Variants in ETV6 observed in about 807,000 individuals in gnomAD.
The protein encoded by ETV6 is transcription factor ETV6.
A neutral mutation model predicts 51.1 loss-of-function variants in ETV6; 16 were observed. The observed-to-expected ratio is 0.31, with a 90% CI of 0.21 to 0.48. The LOEUF (loss-of-function observed/expected upper bound fraction) is 0.48, where lower values mean the gene tolerates loss of function less well. ETV6 is among the 20% of genes least tolerant of loss of function. The probability of loss-of-function intolerance (pLI) is 0.99; values close to 1 mark genes in which losing one functional copy is unlikely to be tolerated. For missense variants in ETV6, 458 were observed against 594.8 expected (o/e 0.77, Z 2.39); for synonymous variants, 240 against 224.1 (o/e 1.07, Z -0.64).
At chr12:11,862,488 C>T (rs752955952) in intron 4 of ETV6, among the ~76,000 whole-genome samples, 2 of 152,182 alleles carry the variant, frequency 1.3e-5, no homozygotes, top group African/African-American at 4.8e-5. Context: ...CCAAGGTCAA[C>T]GTGTGCCAGA....
At chr12:11,718,710 C>G (rs1248515387) in intron 1 of ETV6, among the ~76,000 whole-genome samples, 1 of 152,016 alleles carries the variant, frequency 6.6e-6, no homozygotes, top group South Asian at 2.1e-4. Flanking sequence ...TGGGAGGCAG[C>G]CTGGGCAACA....
intron 2 of ETV6, among the ~76,000 whole-genome samples, chr12:11,804,369 G>C (rs1042025150): frequency 6.6e-6 from 1 of 152,186 alleles, no homozygotes; most frequent in African/African-American, 2.4e-5. Flanking sequence ...AGTATGAACT[G>C]CCAGGCCCTG....
intron 2 of ETV6, among the ~76,000 whole-genome samples, chr12:11,758,941 C>T (rs542085036): frequency 3.5e-4 from 53 of 152,266 alleles, no homozygotes; most frequent in African/African-American, 9.4e-4. Context: ...TTCTACTTTC[C>T]CCGCGGCACA....
At chr12:11,864,268 CCTTGAAGCCCAGGA>C (rs749645270) in intron 4 of ETV6, among the ~76,000 whole-genome samples, 46 of 152,186 alleles carry the variant, frequency 3.0e-4, no homozygotes, top group Non-Finnish European at 6.0e-4. Context: ...ACACACTAAG[CCTTGAAGCCCAGGA>C]CATCAAAGAA....
chr12:11,870,927 G>A (rs1946872089), intron 5 of ETV6, among the ~76,000 whole-genome samples: 1 of 152,246 alleles, frequency 6.6e-6, no homozygotes, highest in Admixed American at 6.5e-5. Flanking sequence ...AAGCAAAGCA[G>A]AAGGAAGGTG....
chr12:11,843,950 A>G (rs1946425749), intron 3 of ETV6, among the ~76,000 whole-genome samples: 1 of 152,060 alleles, frequency 6.6e-6, no homozygotes, highest in South Asian at 2.1e-4. Context: ...TTAAAGAATA[A>G]ATGGAAGGGA....
At chr12:11,809,725 G>A (rs1209036954) in intron 2 of ETV6, among the ~76,000 whole-genome samples, 1 of 150,680 alleles carries the variant, frequency 6.6e-6, no homozygotes, top group Non-Finnish European at 1.5e-5. Flanking sequence ...TAAACCATAT[G>A]CACATCTACC....
intron 3 of ETV6, among the ~76,000 whole-genome samples, chr12:11,839,608 G>A (rs1027794392): frequency 6.6e-6 from 1 of 152,184 alleles, no homozygotes; most frequent in Admixed American, 6.5e-5. Flanking sequence ...GGCTGGCCGT[G>A]GTGGCTCACT....
intron 1 of ETV6, among the ~76,000 whole-genome samples, chr12:11,730,616 T>C (rs1865575268): frequency 6.6e-6 from 1 of 152,202 alleles, no homozygotes; most frequent in African/African-American, 2.4e-5. Context: ...CTGACAGTTG[T>C]CCCTGCTCTG....
chr12:11,835,230 C>G (rs1397997053), intron 2 of ETV6, among the ~76,000 whole-genome samples: 2 of 152,172 alleles, frequency 1.3e-5, no homozygotes, highest in Non-Finnish European at 2.9e-5. Flanking sequence ...GTACAAAATT[C>G]TTTTCAAATA....
At chr12:11,848,033 A>T (rs983582788) in intron 3 of ETV6, among the ~76,000 whole-genome samples, 4 of 152,230 alleles carry the variant, frequency 2.6e-5, no homozygotes, top group South Asian at 4.1e-4. Context: ...AAACTTACGC[A>T]TGTGCTTTAA....
In ETV6 at chr12:11,797,215, ACC is replaced by A. The variant is rs1318707451; in HGVS notation, c.164-41924_164-41923del. 4.7e-3 allele frequency among the ~76,000 whole-genome samples: 711 copies of A among 152,310 alleles called. 8 individuals carry two copies. The highest frequency in any genetic ancestry group is 0.016 in the African/African-American group (670 of 41,572). On this transcript the variant is annotated intron_variant, in intron 2 of 7. Coordinates refer to ENST00000396373, the MANE Select transcript of ETV6 (RefSeq NM_001987.5). The stretch of plus-strand genomic sequence containing the variant: ...ACCATTATTTTTATTCAGACAGTGT[ACC>A]TAGCAATAGTCCCGGCACTGGGAAC...
chr12:11,783,112 C>A (rs1210232172), intron 2 of ETV6, among the ~76,000 whole-genome samples: 1 of 151,642 alleles, frequency 6.6e-6, no homozygotes, highest in African/African-American at 2.4e-5. Flanking sequence ...ATTGATTGGG[C>A]AAGGTGAGTG....
intron 1 of ETV6, among the ~76,000 whole-genome samples, chr12:11,665,251 G>A (rs917525570): frequency 1.8e-4 from 28 of 152,128 alleles, no homozygotes; most frequent in Admixed American, 9.8e-4. Context: ...CGCCCAACTC[G>A]GCCTCCCAAA....
chr12:11,689,819 C>T (rs953123569), intron 1 of ETV6, among the ~76,000 whole-genome samples: 2 of 108,112 alleles, frequency 1.8e-5, no homozygotes, highest in African/African-American at 3.5e-5. Context: ...TCCCCCCCCC[C>T]CCCACCCCCC....
At chr12:11,763,563 CT>C (rs1302224045) in intron 2 of ETV6, among the ~76,000 whole-genome samples, 6 of 152,182 alleles carry the variant, frequency 3.9e-5, no homozygotes, top group African/African-American at 1.4e-4. Flanking sequence ...AGAAAATAAG[CT>C]TTTCTTTTGA....
intron 2 of ETV6, among the ~76,000 whole-genome samples, chr12:11,774,140 G>A (rs1487912726): frequency 2.0e-5 from 3 of 152,240 alleles, no homozygotes; most frequent in East Asian, 1.9e-4. Flanking sequence ...GGAGGAAAAG[G>A]AGAGGTGCTT....
intron 2 of ETV6, among the ~76,000 whole-genome samples, chr12:11,792,099 A>C (rs1408911662): frequency 1.3e-5 from 2 of 152,238 alleles, no homozygotes; most frequent in Admixed American, 1.3e-4. Context: ...AAATCAATAT[A>C]CACGTGTAGT....
intron 5 of ETV6, among the ~76,000 whole-genome samples, chr12:11,877,488 A>G (rs747356100): frequency 6.6e-6 from 1 of 152,174 alleles, no homozygotes; most frequent in African/African-American, 2.4e-5. Flanking sequence ...GCATCTGTGC[A>G]TAAATATCTG....
Sources: gnomAD v4.1 joint callset for allele counts (sites outside exome capture counted in the v4.1 genomes callset) on GRCh38, gnomAD v4.1.1 for gene constraint, MANE v1.5 for transcripts, NCBI Gene and HGNC (gene_info 2026-07-23, HGNC 2026-07-21) for gene names.